Variants in VDAC2 observed in about 807,000 individuals in gnomAD.
VDAC2 encodes non-selective voltage-gated ion channel VDAC2.
In VDAC2, 6 loss-of-function variants were observed where a neutral mutation model predicts 36.6. The ratio of observed to expected loss-of-function variants is 0.16; its 90% confidence interval spans 0.09 to 0.32. VDAC2 has a LOEUF of 0.32. Ranked by LOEUF, VDAC2 falls within the 10% of genes least tolerant of loss-of-function variation. The pLI is 1.00. For synonymous variants in VDAC2, 109 were observed against 123.8 expected, an observed-to-expected ratio of 0.88 and a Z score of 0.79; for missense variants, 247 against 346.0, an observed-to-expected ratio of 0.71 and a Z score of 2.27.
intron 2 of VDAC2, chr10:75,211,660 G>A: frequency 6.4e-7 from 1 of 1,550,602 alleles, no homozygotes; most frequent in South Asian, 1.2e-5. Flanking sequence ...AGTCACATTA[G>A]TAAGTTTGAA....
chr10:75,218,641 A>G (rs1841685963), intron 4 of VDAC2, among the ~76,000 whole-genome samples: 1 of 152,148 alleles, frequency 6.6e-6, no homozygotes, highest in Non-Finnish European at 1.5e-5. Context: ...GGGCACCTGT[A>G]ATCCCAGCTA....
At chr10:75,219,501 G>C in intron 6 of VDAC2, 145 bp downstream of exon 6, 1 of 709,978 alleles carries the variant, frequency 1.4e-6, no homozygotes, top group Non-Finnish European at 2.2e-6. Context: ...TTATTTATTT[G>C]AGATGGAGTC....
At chr10:75,213,875 A>G (rs1841513471) in intron 3 of VDAC2, 146 bp from the exon 4 acceptor site, 2 of 721,342 alleles carry the variant, frequency 2.8e-6, no homozygotes, top group Non-Finnish European at 4.5e-6. Flanking sequence ...ATTTGTAACA[A>G]TTTCATTTAA....
At chr10:75,219,776 C>T (rs557054867) in intron 6 of VDAC2, among the ~76,000 whole-genome samples, 116 of 149,638 alleles carry the variant, frequency 7.8e-4, no homozygotes, top group Non-Finnish European at 1.2e-3. Context: ...TGAGCCACCA[C>T]GCCCAGCCTT....
chr10:75,221,679 G>GCCCA (rs1841818507), intron 7 of VDAC2, among the ~76,000 whole-genome samples: 1 of 152,032 alleles, frequency 6.6e-6, no homozygotes, highest in South Asian at 2.1e-4. Context: ...TTGCTATGTT[G>GCCCA]CCCAGGCTTG....
At chr10:75,218,048 A>G in intron 4 of VDAC2, 1 of 702,834 alleles carries the variant, frequency 1.4e-6, no homozygotes, top group Non-Finnish European at 2.1e-6. Flanking sequence ...TGATCACATC[A>G]TTGTGTTCCA....
intron 8 of VDAC2, among the ~76,000 whole-genome samples, chr10:75,224,762 C>G (rs911040354): frequency 5.9e-5 from 9 of 152,142 alleles, no homozygotes; most frequent in African/African-American, 2.2e-4. Context: ...TCAAAGCCAC[C>G]TTGCAAGGGT....
chr10:75,221,488 A>G (rs753406316), intron 7 of VDAC2, among the ~76,000 whole-genome samples: 1 of 151,994 alleles, frequency 6.6e-6, no homozygotes, highest in Non-Finnish European at 1.5e-5. Context: ...GTGTGCCACC[A>G]TGCCTGGCTA....
intron 2 of VDAC2, chr10:75,211,585 T>C: frequency 6.4e-7 from 1 of 1,550,626 alleles, no homozygotes; most frequent in Non-Finnish European, 8.7e-7. Context: ...GTGGAATGAA[T>C]GAGCTGGTGT....
chr10:75,229,307 T>TAC (rs1842043122), intron 8 of VDAC2: 1 of 178,762 alleles, frequency 5.6e-6, no homozygotes, highest in South Asian at 1.4e-4. Context: ...GCCTGACTTG[T>TAC]ACCACATTTT....
At position 75,211,602 on chromosome 10, in the gene VDAC2, C is replaced by G. The variant is rs1348034754; in HGVS notation, c.31+413C>G. 3 of 1,550,486 alleles carry G rather than the reference C, an allele frequency of 1.9e-6. No homozygotes were observed. The East Asian group carries it at 7.3e-5, about 38-fold the overall frequency. ...GGAATGAATGAGCTGGTGTAATGAGCTCAGATTGCCTGCCCTTAAGCAGCA... is the reference window on the plus strand; with the variant it reads ...GGAATGAATGAGCTGGTGTAATGAGGTCAGATTGCCTGCCCTTAAGCAGCA... On this transcript the variant is annotated intron_variant, in intron 2 of 9. Transcript: ENST00000332211.
intron 3 of VDAC2, among the ~76,000 whole-genome samples, chr10:75,213,587 A>G (rs1466753681): frequency 6.6e-6 from 1 of 152,110 alleles, no homozygotes; most frequent in Non-Finnish European, 1.5e-5. Flanking sequence ...TACTAAAAAT[A>G]CAAAAAATTA....
chr10:75,216,013 T>C (rs1841592901), intron 4 of VDAC2, among the ~76,000 whole-genome samples: 1 of 152,250 alleles, frequency 6.6e-6, no homozygotes, highest in Non-Finnish European at 1.5e-5. Context: ...CCCTGTAGTT[T>C]AAAAGCCTAG....
chr10:75,220,924 T>A lies in VDAC2; in HGVS notation c.538T>A (p.Phe180Ile), dbSNP rs1437755157. The change falls in exon 7 of 10, where the codon TTT (phenylalanine) becomes ATT (isoleucine). Residue 180 changes from phenylalanine (F) to isoleucine (I), a missense_variant. Transcript: ENST00000332211. The stretch of plus-strand genomic sequence containing the variant: ...CAAATCAAAGCTGACAAGGAATAAC[T>A]TTGCAGTGGGCTACAGGACTGGGGA... ...SAKSKLTRNNFAVGYRTGDFQ... is the reference protein window; with the variant it reads ...SAKSKLTRNNIAVGYRTGDFQ... 6.2e-7 allele frequency: 1 copy of A among 1,613,732 alleles called. No homozygotes were observed. The highest frequency in any genetic ancestry group is 1.3e-5 in the African/African-American group (1 of 74,926).
In VDAC2 at chr10:75,222,322, C is replaced by T; in HGVS notation, c.655C>T (p.Leu219Phe). 1 of 1,614,018 alleles carries T rather than the reference C, an allele frequency of 6.2e-7. No homozygotes were observed. The highest frequency in any genetic ancestry group is 8.5e-7 in the Non-Finnish European group (1 of 1,179,976). Reference protein sequence around the residue: ...VCEDLDTSVNLAWTSGTNCTR... With the variant: ...VCEDLDTSVNFAWTSGTNCTR... ...TGAAGATCTTGACACTTCAGTAAAC[C>T]TTGCTTGGACATCAGGTACCAACTG... is the stretch of plus-strand genomic sequence containing the variant. Residue 219 changes from leucine (L) to phenylalanine (F), a missense_variant, in exon 8 of 10, where the codon CTT becomes TTT. Physicochemically the swap from Leu to Phe is conservative, Grantham distance 22. Around this residue, in one of 3 missense-constraint regions of VDAC2, gnomAD observed 159 missense variants for 234.0 expected, o/e 0.68. Transcript: ENST00000332211.
chr10:75,213,755 A>G (rs1386070186), intron 3 of VDAC2, among the ~76,000 whole-genome samples: 1 of 152,148 alleles, frequency 6.6e-6, no homozygotes, highest in Non-Finnish European at 1.5e-5. Context: ...AAATAAATAA[A>G]TAAATAAATA....
rs755598330 is a variant in VDAC2 at position 75,220,764 on chromosome 10, G to A, written c.378G>A (p.Lys126=). ...CCAGAAAGAAAAGTGGTAAAATCAA[G>A]TCTTCTTACAAGAGGGAGTGTATAA... The part of the protein sequence containing the change: ...PNTGKKSGKI[K]SSYKRECINL... The change falls in exon 7 of 10, where the codon AAG becomes AAA. Residue 126 remains lysine, a synonymous_variant. Coordinates refer to ENST00000332211, the MANE Select transcript of VDAC2 (RefSeq NM_001391963.1). 6.2e-7 allele frequency: 1 copy of A among 1,610,266 alleles called. No homozygotes were observed. Among genetic ancestry groups the A allele is most frequent in the Non-Finnish European group, 8.5e-7 (1 of 1,178,322 alleles).
rs1842094552 is a variant in VDAC2, at chr10:75,231,351, G to A, written c.*362G>A. 6.2e-6 allele frequency: 1 copy of A among 161,920 alleles called. No individual in the cohort carries two copies. The highest frequency in any genetic ancestry group is 2.4e-5 in the African/African-American group (1 of 41,674). The allele number at this position is 161,920 out of a possible 1,614,324, so 10.0% of individuals were successfully genotyped here. ...TTACCATTGAATGAGATGGATCAGT[G>A]GATATTAAGATGAGGTTACAAATTT... On this transcript the variant is annotated 3_prime_UTR_variant, in exon 10 of 10. Transcript: ENST00000332211.
chr10:75,216,592 G>T (rs1841612378), intron 4 of VDAC2, among the ~76,000 whole-genome samples: 1 of 152,146 alleles, frequency 6.6e-6, no homozygotes, highest in Non-Finnish European at 1.5e-5. Flanking sequence ...ACCCCAGAAT[G>T]TAGAAGCCAA....
Sources: gnomAD v4.1 joint callset for allele counts (sites outside exome capture counted in the v4.1 genomes callset) on GRCh38, gnomAD v4.1.1 for gene constraint, gnomAD v4.1.1 regional missense constraint, MANE v1.5 for transcripts, NCBI Gene and HGNC (gene_info 2026-07-23, HGNC 2026-07-21) for gene names.